The following RBFA variants were observed in gnomAD, a reference collection of about 807,000 sequenced individuals.
RBFA encodes the protein putative ribosome-binding factor A, mitochondrial.
Under a neutral mutation model 27.9 loss-of-function variants are expected in RBFA, and 16 were observed. That is an observed-to-expected ratio of 0.57 (90% CI 0.39 to 0.87). The LOEUF is 0.87. Ranked by LOEUF, RBFA falls within the 40% of genes least tolerant of loss-of-function variation. RBFA has a pLI of 0.00. For missense variants in RBFA, 456 were observed against 432.1 expected (o/e 1.06, Z -0.49); for synonymous variants, 181 against 181.0 (o/e 1.00, Z 0.00).
At position 80,045,757 on chromosome 18, in the gene RBFA, C is replaced by T. The variant is rs1555724451; in HGVS notation, c.651-17C>T. The T allele has an allele frequency of 1.3e-6, 2 of 1,510,772 alleles. No homozygotes were observed. The highest frequency in any genetic ancestry group is 1.4e-5 in the South Asian group (1 of 73,180). The allele number at this position is 1,510,772 out of a possible 1,614,324, so 93.6% of individuals were successfully genotyped here. On this transcript the variant is annotated splice_polypyrimidine_tract_variant and intron_variant, in intron 6 of 6. Transcript: ENST00000306735. ...GCATGGTTTGTGCTTGGTGTGAAGC[C>T]TCTTCTTCCTTCCCAGGGACCCTGA...
Position 80,047,505 on chromosome 18 carries a change from G to A in RBFA, c.*1350G>A, listed in dbSNP as rs776576573. 6.6e-6 allele frequency: 1 copy of A among 152,272 alleles called. No homozygotes were observed. Among genetic ancestry groups the A allele is most frequent in the Non-Finnish European group, 1.5e-5 (1 of 68,064 alleles). The allele number at this position is 152,272 out of a possible 1,614,324, so 9.4% of individuals were successfully genotyped here. ...CATTTGTGCTCTGGGACTAAGCTGT[G>A]TATAAGTCATCAAATGGCAGAAGCA... On this transcript the variant is annotated 3_prime_UTR_variant, in exon 7 of 7. Coordinates refer to ENST00000306735, the MANE Select transcript of RBFA (RefSeq NM_024805.3).
chr18:80,044,245 C>G lies in RBFA; in HGVS notation c.610C>G (p.Pro204Ala). The G allele has an allele frequency of 6.2e-7, 1 of 1,614,178 alleles. No homozygotes were observed. The highest frequency in any genetic ancestry group is 8.5e-7 in the Non-Finnish European group (1 of 1,180,014). Residue 204 changes from proline (P) to alanine (A), a missense_variant, in exon 6 of 7, where the codon CCC (proline) becomes GCC (alanine). Transcript: ENST00000306735. ...GTTACTGGCAGTCGCAGACTTTGGACCCCGGGATGAAAGAGACAACTTTGT... is the reference window on the plus strand; with the variant it reads ...GTTACTGGCAGTCGCAGACTTTGGAGCCCGGGATGAAAGAGACAACTTTGT... ...DQLLAVADFG[P>A]RDERDNFVQN...
At chr18:80,043,843 C>T (rs953784711) in intron 5 of RBFA, among the ~76,000 whole-genome samples, 1 of 152,198 alleles carries the variant, frequency 6.6e-6, no homozygotes, top group African/African-American at 2.4e-5. Flanking sequence ...TCCCCCAAGG[C>T]ACACAAATTC....
chr18:80,045,630 C>A, intron 6 of RBFA, 144 bp from the exon 7 acceptor site: 1 of 969,846 alleles, frequency 1.0e-6, no homozygotes, highest in South Asian at 3.1e-5. Flanking sequence ...TCACTCCTGT[C>A]TCCAGTTACC....
rs1396864530 is a variant in RBFA at position 80,040,874 on chromosome 18, G to A, written c.492-1261G>A. Among the ~76,000 whole-genome samples, 4 of 152,090 alleles carry A rather than the reference G, an allele frequency of 2.6e-5. No individual in the cohort carries two copies. In the South Asian group the frequency reaches 8.3e-4, roughly 32 times the overall value. On this transcript the variant is annotated intron_variant, in intron 4 of 6. Transcript: ENST00000306735. The stretch of plus-strand genomic sequence containing the variant: ...ATTTTTAAGAATGTAAAGGATCCTG[G>A]GACCAACAATTTTGGGAATTGCTGA...
chr18:80,042,013 A>G (rs891176591), intron 4 of RBFA, 122 bp from the exon 5 acceptor site: 41 of 526,640 alleles, frequency 7.8e-5, no homozygotes, highest in Admixed American at 2.0e-4. Context: ...GGCGTGAGCC[A>G]CCGCGCCCGG....
intron 3 of RBFA, among the ~76,000 whole-genome samples, chr18:80,037,874 G>T (rs1172822186): frequency 7.4e-6 from 1 of 134,752 alleles, no homozygotes; most frequent in Non-Finnish European, 1.6e-5. Flanking sequence ...GGGTGACAGA[G>T]CGAGACTCCA....
intron 2 of RBFA, among the ~76,000 whole-genome samples, 161 bp downstream of exon 2, chr18:80,036,871 C>A (rs1000919922): frequency 2.4e-4 from 36 of 149,250 alleles, no homozygotes; most frequent in Admixed American, 1.7e-3. Flanking sequence ...TTGATCTTTT[C>A]AAAAAAAAAT....
In RBFA at chr18:80,034,469, G is replaced by C; in HGVS notation, c.-27G>C. 4 of 1,488,424 alleles carry C rather than the reference G, an allele frequency of 2.7e-6. No individual in the cohort carries two copies. Among genetic ancestry groups the C allele is most frequent in the Non-Finnish European group, 3.5e-6 (4 of 1,129,472 alleles). 92.2% of individuals were successfully genotyped at this position (1,488,424 alleles called of 1,614,324 possible). A position where few individuals can be genotyped will look rare whatever the true frequency, so the allele number is the denominator to read the frequency against. On this transcript the variant is annotated 5_prime_UTR_variant, in exon 1 of 7. Transcript: ENST00000306735. ...CCGCGCCTGCGCCCGTTGTCTCCCT[G>C]CTCGCTCCGGGTCCCGGCGCCGCGC...
intron 5 of RBFA, among the ~76,000 whole-genome samples, chr18:80,042,466 A>G (rs777687283): frequency 6.6e-6 from 1 of 151,788 alleles, no homozygotes; most frequent in Non-Finnish European, 1.5e-5. Flanking sequence ...TGAAAAGATA[A>G]TGTACAGTTA....
rs777595887 is a variant in RBFA at position 80,045,897 on chromosome 18, G to A, written c.774G>A (p.Gly258=). The A allele has an allele frequency of 3.8e-5, 62 of 1,612,622 alleles. No individual in the cohort carries two copies. The highest frequency in any genetic ancestry group is 5.1e-5 in the Non-Finnish European group (60 of 1,179,306). ...AGTACAAAAGGAGGAAAGATAAAGG[G>A]CTCGGGGGCCTGGTGTGGCAGGGGC... ...IMEYKRRKDK[G]LGGLVWQGQV... Residue 258 remains glycine, a synonymous_variant, in exon 7 of 7, where the codon GGG becomes GGA. Coordinates refer to ENST00000306735, the MANE Select transcript of RBFA (RefSeq NM_024805.3).
intron 1 of RBFA, 122 bp downstream of exon 1, chr18:80,034,775 C>T (rs1335743879): frequency 3.2e-6 from 4 of 1,253,820 alleles, no homozygotes; most frequent in East Asian, 2.7e-5. Context: ...GTTCCTGCCT[C>T]CTGGGGTCTG....
In RBFA at chr18:80,049,266, C is replaced by G. The variant is rs1273611527; in HGVS notation, c.*3111C>G. On this transcript the variant is annotated 3_prime_UTR_variant, in exon 7 of 7. Transcript: ENST00000306735. ...TGGGAGCGGGTTAGGGACATGGAAG[C>G]TCACCCTCTTCTGAATGGGTCCACT... 1.3e-5 allele frequency among the ~76,000 whole-genome samples: 2 copies of G among 152,092 alleles called. No homozygotes were observed. The highest frequency in any genetic ancestry group is 2.9e-5 in the Non-Finnish European group (2 of 68,020).
In RBFA at chr18:80,048,987, G is replaced by A. The variant is rs1356766628; in HGVS notation, c.*2832G>A. ...AAAGTGGAGTGTGGGCACGTTTGTA[G>A]GGGATCCCACCAGGCATCAGCTCAG... On this transcript the variant is annotated 3_prime_UTR_variant, in exon 7 of 7. Coordinates refer to ENST00000306735, the MANE Select transcript of RBFA (RefSeq NM_024805.3). 3.4e-5 allele frequency among the ~76,000 whole-genome samples: 5 copies of A among 148,504 alleles called. No individual in the cohort carries two copies. Among genetic ancestry groups the A allele is most frequent in the Non-Finnish European group, 6.0e-5 (4 of 66,538 alleles).
rs1192338633 is a variant in RBFA, at chr18:80,049,206, A to G, written c.*3051A>G. 6.7e-6 allele frequency among the ~76,000 whole-genome samples: 1 copy of G among 150,182 alleles called. No homozygotes were observed. Among genetic ancestry groups the G allele is most frequent in the Non-Finnish European group, 1.5e-5 (1 of 67,734 alleles). On this transcript the variant is annotated 3_prime_UTR_variant, in exon 7 of 7. Coordinates refer to ENST00000306735, the MANE Select transcript of RBFA (RefSeq NM_024805.3). Reference sequence around the variant, plus strand: ...GACACGGAAGCTCACCCCCTTCTGAATGGGTCCACTCCTGGGGATTTCCGC... The same window carrying G: ...GACACGGAAGCTCACCCCCTTCTGAGTGGGTCCACTCCTGGGGATTTCCGC...
In RBFA at chr18:80,034,624, C is replaced by A. The variant is rs1193201300; in HGVS notation, c.129C>A (p.Asn43Lys). The change falls in exon 1 of 7, where the codon AAC (asparagine) becomes AAA (lysine). Residue 43 changes from asparagine (N) to lysine (K), a missense_variant. Coordinates refer to ENST00000306735, the MANE Select transcript of RBFA (RefSeq NM_024805.3). ...ACTGCTCTGCTGTCTCCTGCAAGAA[C>A]TGGCTCAAGAAATTTGCCTCGAAAA... ...GLHCSAVSCK[N>K]WLKKFASKTK... 6.2e-7 allele frequency: 1 copy of A among 1,608,606 alleles called. No individual in the cohort carries two copies. Among genetic ancestry groups the A allele is most frequent in the Admixed American group, 1.7e-5 (1 of 58,920 alleles).
chr18:80,038,105 G>A (rs926196761), intron 3 of RBFA, among the ~76,000 whole-genome samples: 1 of 152,212 alleles, frequency 6.6e-6, no homozygotes, highest in African/African-American at 2.4e-5. Context: ...CGTGGGAAGA[G>A]GATGCATCTG....
In RBFA at chr18:80,038,536, G is replaced by C. The variant is rs144827079; in HGVS notation, c.410G>C (p.Arg137Pro). 1.9e-6 allele frequency: 3 copies of C among 1,613,784 alleles called. No homozygotes were observed. The highest frequency in any genetic ancestry group is 2.2e-5 in the South Asian group (2 of 91,060). Residue 137 changes from arginine (R) to proline (P), a missense_variant, in exon 4 of 7, where the codon CGA (arginine) becomes CCA (proline). Physicochemically the swap from Arg to Pro is moderately radical, Grantham distance 103. Transcript: ENST00000306735. Reference protein sequence around the residue: ...VSLTPDFSACRAYWKTTLSAE... With the variant: ...VSLTPDFSACPAYWKTTLSAE... ...CTGACTCCAGACTTCTCAGCCTGCC[G>C]AGCGTACTGGAAGACAACGCTCTCT...
Position 80,049,699 on chromosome 18 carries a change from G to A in RBFA, c.*3544G>A, listed in dbSNP as rs541984044. 4.6e-5 allele frequency among the ~76,000 whole-genome samples: 7 copies of A among 152,298 alleles called. No individual in the cohort carries two copies. The highest frequency in any genetic ancestry group is 2.0e-4 in the Admixed American group (3 of 15,306). On this transcript the variant is annotated 3_prime_UTR_variant, in exon 7 of 7. Coordinates refer to ENST00000306735, the MANE Select transcript of RBFA (RefSeq NM_024805.3). ...GTCGGCCACTTCAGCCTTCTGGTTC[G>A]CTGTTCCTTGGTAATGCAGATGGCC...
Sources: allele counts gnomAD v4.1 joint callset (sites outside exome capture counted in the v4.1 genomes callset), GRCh38; gene constraint gnomAD v4.1.1; transcripts MANE v1.5; gene names NCBI Gene and HGNC (gene_info 2026-07-23, HGNC 2026-07-21).